C14orf39: variants seen among roughly 807,000 people sequenced by gnomAD.
C14orf39 encodes the protein chromosome 14 open reading frame 39.
A neutral mutation model predicts 85.6 loss-of-function variants in C14orf39; 66 were observed. That is an observed-to-expected ratio of 0.77 (90% CI 0.63 to 0.95). The LOEUF (loss-of-function observed/expected upper bound fraction) is 0.95, where lower values mean the gene tolerates loss of function less well. Ranked by LOEUF, C14orf39 falls within the 40% of genes least tolerant of loss-of-function variation. The pLI, the probability that C14orf39 is intolerant of heterozygous loss-of-function variation, is 0.00. For synonymous variants in C14orf39, 242 were observed against 214.0 expected (o/e 1.13, Z -1.14); for missense variants, 735 against 663.9 (o/e 1.11, Z -1.18).
rs760813775 is a variant in C14orf39, at chr14:60,437,058, T to C, written c.1562-11A>G. The stretch of plus-strand genomic sequence containing the variant: ...TCTCAAGTAAGTTTCCTAAGGAAGA[T>C]AAACATTACAATATCATGCTCTTCA... On this transcript the variant is annotated splice_polypyrimidine_tract_variant and intron_variant, in intron 17 of 17. Transcript: ENST00000321731. 18 of 1,561,918 alleles carry C rather than the reference T, an allele frequency of 1.2e-5. No individual in the cohort carries two copies. Among genetic ancestry groups the C allele is most frequent in the African/African-American group, 2.8e-5 (2 of 72,474 alleles).
chr14:60,475,740 A>G (rs965476864), intron 5 of C14orf39, among the ~76,000 whole-genome samples: 1 of 152,190 alleles, frequency 6.6e-6, no homozygotes, highest in African/African-American at 2.4e-5. Context: ...TCTAATCGAA[A>G]ACATTGAAAA....
intron 1 of C14orf39, chr14:60,511,005 G>T: frequency 6.9e-7 from 1 of 1,449,972 alleles, no homozygotes; most frequent in Non-Finnish European, 9.5e-7. Context: ...CCGGGCTGGA[G>T]GGACGCAGGA....
At chr14:60,494,227 T>C (rs1452244979) in intron 2 of C14orf39, 1 of 221,710 alleles carries the variant, frequency 4.5e-6, no homozygotes, top group Non-Finnish European at 9.4e-6. Context: ...TCCATGGTGT[T>C]CTTGATAGGC....
intron 1 of C14orf39, among the ~76,000 whole-genome samples, chr14:60,502,362 TAAG>T (rs758093052): frequency 1.8e-4 from 27 of 151,368 alleles, no homozygotes; most frequent in Non-Finnish European, 3.4e-4. Flanking sequence ...CATTGGGAAA[TAAG>T]AAATCTTTCA....
At chr14:60,477,786 G>C (rs2140143834) in intron 5 of C14orf39, among the ~76,000 whole-genome samples, 1 of 152,176 alleles carries the variant, frequency 6.6e-6, no homozygotes, top group South Asian at 2.1e-4. Context: ...TTATATCTAA[G>C]GCCATATCTA....
chr14:60,443,707 C>T (rs929415346), intron 16 of C14orf39, among the ~76,000 whole-genome samples: 1 of 152,228 alleles, frequency 6.6e-6, no homozygotes, highest in Non-Finnish European at 1.5e-5. Context: ...AGAGAATGGA[C>T]AGACTGCCTC....
intron 16 of C14orf39, among the ~76,000 whole-genome samples, chr14:60,449,077 C>T (rs1890917445): frequency 6.6e-6 from 1 of 152,030 alleles, no homozygotes; most frequent in African/African-American, 2.4e-5. Flanking sequence ...AGGAGAAATA[C>T]CCAATGTAGA....
intron 2 of C14orf39, among the ~76,000 whole-genome samples, chr14:60,498,011 T>C (rs2140179779): frequency 6.6e-6 from 1 of 152,338 alleles, no homozygotes; most frequent in Admixed American, 6.5e-5. Flanking sequence ...TACAGAAAAG[T>C]AGAGATAATG....
intron 1 of C14orf39, among the ~76,000 whole-genome samples, chr14:60,514,851 T>G (rs1893340992): frequency 6.6e-6 from 1 of 152,212 alleles, no homozygotes; most frequent in African/African-American, 2.4e-5. Flanking sequence ...TTTCCGCTCC[T>G]TTTGTGAGGC....
chr14:60,487,628 T>A (rs1435016151), upstream of C14orf39, among the ~76,000 whole-genome samples: 1 of 152,192 alleles, frequency 6.6e-6, no homozygotes, highest in African/African-American at 2.4e-5. Flanking sequence ...TGATTTTATA[T>A]TCTTTGGATA....
chr14:60,471,010 CT>C (rs952700768), intron 7 of C14orf39, among the ~76,000 whole-genome samples: 1 of 151,938 alleles, frequency 6.6e-6, no homozygotes, highest in Non-Finnish European at 1.5e-5. Flanking sequence ...GAAGAGAGCT[CT>C]GTATCGTCTT....
chr14:60,449,531 G>A (rs1267872082), intron 16 of C14orf39, among the ~76,000 whole-genome samples: 1 of 152,100 alleles, frequency 6.6e-6, no homozygotes, highest in African/African-American at 2.4e-5. Flanking sequence ...CTTATAGGAT[G>A]TTTGAATATT....
intron 13 of C14orf39, among the ~76,000 whole-genome samples, chr14:60,460,530 G>A (rs8008796): frequency 0.17 from 26,333 of 151,580 alleles, 2,981 homozygotes; most frequent in East Asian, 0.54. Context: ...TCAGTTATCA[G>A]ACAAAAAGAG....
chr14:60,441,660 G>A (rs1254323), intron 17 of C14orf39, among the ~76,000 whole-genome samples: 26,842 of 151,758 alleles, frequency 0.18, 4,019 homozygotes, highest in African/African-American at 0.4. Flanking sequence ...TATAATACAC[G>A]TACATATTTA....
chr14:60,498,358 C>T (rs1893097569), intron 2 of C14orf39, among the ~76,000 whole-genome samples: 1 of 152,162 alleles, frequency 6.6e-6, no homozygotes, highest in African/African-American at 2.4e-5. Context: ...TATACCTTTC[C>T]AGGCTAATCA....
chr14:60,447,000 C>A (rs939513309), intron 16 of C14orf39, among the ~76,000 whole-genome samples: 2 of 152,022 alleles, frequency 1.3e-5, no homozygotes, highest in Non-Finnish European at 2.9e-5. Flanking sequence ...AATTCAACAC[C>A]CCTTCAAGCT....
intron 1 of C14orf39, among the ~76,000 whole-genome samples, chr14:60,507,838 C>A (rs1893225983): frequency 1.3e-5 from 2 of 152,172 alleles, no homozygotes; most frequent in Admixed American, 1.3e-4. Context: ...TAGGGATGGA[C>A]CTCCCCAAAA....
At chr14:60,470,424 G>C (rs112564239) in intron 7 of C14orf39, among the ~76,000 whole-genome samples, 1 of 151,830 alleles carries the variant, frequency 6.6e-6, no homozygotes, top group African/African-American at 2.4e-5. Context: ...AAAATTTCAA[G>C]TGAATCATGA....
At chr14:60,497,731 A>C (rs1466436843) in intron 2 of C14orf39, among the ~76,000 whole-genome samples, 2 of 152,006 alleles carry the variant, frequency 1.3e-5, no homozygotes, top group Non-Finnish European at 2.9e-5. Context: ...TTTTTTTAAA[A>C]ATTAGTTGGG....
Sources: gnomAD v4.1 joint callset for allele counts (sites outside exome capture counted in the v4.1 genomes callset) on GRCh38, gnomAD v4.1.1 for gene constraint, MANE v1.5 for transcripts, NCBI Gene and HGNC (gene_info 2026-07-23, HGNC 2026-07-21) for gene names.